The following TMEM59 variants were observed in gnomAD, a reference collection of about 807,000 sequenced individuals.
TMEM59 encodes the protein transmembrane protein 59.
In TMEM59, 44 loss-of-function variants were observed where a neutral mutation model predicts 42.2. That is an observed-to-expected ratio of 1.04 (90% CI 0.82 to 1.34). TMEM59 has a LOEUF of 1.34. Among genes scored for constraint, TMEM59 ranks in the 40% most tolerant of loss-of-function variants. The probability of loss-of-function intolerance (pLI) is 0.00; values close to 1 mark genes in which losing one functional copy is unlikely to be tolerated. For synonymous variants in TMEM59, 148 were observed against 145.8 expected, an observed-to-expected ratio of 1.02 and a Z score of -0.11; for missense variants, 359 against 382.8, an observed-to-expected ratio of 0.94 and a Z score of 0.52.
intron 5 of TMEM59, 54 bp downstream of exon 5, chr1:54,041,670 C>T (rs1657140813): frequency 1.4e-6 from 2 of 1,438,818 alleles, no homozygotes; most frequent in African/African-American, 1.4e-5. Flanking sequence ...AACTCTACTA[C>T]AACCAGATTT....
chr1:54,040,082 C>T (rs1346036675), intron 6 of TMEM59, among the ~76,000 whole-genome samples: 5 of 152,224 alleles, frequency 3.3e-5, no homozygotes, highest in South Asian at 2.1e-4. Flanking sequence ...GCTCTTCTAG[C>T]GTCAAATCTG....
At position 54,051,546 on chromosome 1, in the gene TMEM59, T is replaced by C. The variant is rs1384530750; in HGVS notation, c.189+1454A>G. Among the ~76,000 whole-genome samples the C allele has an allele frequency of 3.3e-5, 5 of 152,358 alleles. 2 individuals carry two copies. In the South Asian group the frequency reaches 1.0e-3, roughly 32 times the overall value. ...ACTTCCAGGAAGGTATCCTTTCAAA[T>C]TATTTGATTATTTTCCCAACATTCT... On this transcript the variant is annotated intron_variant, in intron 1 of 7. Transcript: ENST00000234831.
At chr1:54,046,976 A>G (rs1250871523) in intron 2 of TMEM59, among the ~76,000 whole-genome samples, 1 of 152,224 alleles carries the variant, frequency 6.6e-6, no homozygotes, top group Admixed American at 6.5e-5. Flanking sequence ...AAAGGTAGTA[A>G]TGAATTGTGA....
chr1:54,046,025 C>T (rs948640770), intron 2 of TMEM59, among the ~76,000 whole-genome samples: 1 of 152,098 alleles, frequency 6.6e-6, no homozygotes, highest in Non-Finnish European at 1.5e-5. Context: ...AGGCTCTGGC[C>T]ACATGATGAC....
chr1:54,037,500 A>G (rs901114597), intron 6 of TMEM59, among the ~76,000 whole-genome samples: 1 of 152,242 alleles, frequency 6.6e-6, no homozygotes, highest in African/African-American at 2.4e-5. Flanking sequence ...TAATTGACCT[A>G]TTAAGATTCA....
rs1656782138 is a variant in TMEM59, at chr1:54,032,124, A to G, written c.*26T>C. On this transcript the variant is annotated 3_prime_UTR_variant, in exon 8 of 8. Coordinates refer to ENST00000234831, the MANE Select transcript of TMEM59 (RefSeq NM_004872.5). ...AGGAGTGGAATTTTAGATGTCTATT[A>G]CACTTGTCTTTTAAAAGAAAAATGC... The G allele has an allele frequency of 6.3e-7, 1 of 1,595,266 alleles. No homozygotes were observed. The highest frequency in any genetic ancestry group is 1.4e-5 in the African/African-American group (1 of 70,708).
chr1:54,037,250 G>T (rs1384216121), intron 6 of TMEM59, among the ~76,000 whole-genome samples: 1 of 152,072 alleles, frequency 6.6e-6, no homozygotes, highest in Non-Finnish European at 1.5e-5. Context: ...ATTTAAAAAA[G>T]CACAGCTATT....
chr1:54,027,328 C>T lies in TMEM59; in HGVS notation c.*4822G>A, dbSNP rs750110072. ...AACTTTATTTTAACATGATCAGTTT[C>T]CTTTGCGATCCTTTATATTTAGTTT... On this transcript the variant is annotated 3_prime_UTR_variant, in exon 8 of 8. Coordinates refer to ENST00000234831, the MANE Select transcript of TMEM59 (RefSeq NM_004872.5). The T allele has an allele frequency of 6.6e-6, 1 of 152,112 alleles. No homozygotes were observed. The highest frequency in any genetic ancestry group is 1.5e-5 in the Non-Finnish European group (1 of 68,024). 9.4% of individuals were successfully genotyped at this position (152,112 alleles called of 1,614,324 possible).
rs1280271410 is a variant in TMEM59 at position 54,027,775 on chromosome 1, A to C, written c.*4375T>G. 6.6e-6 allele frequency: 1 copy of C among 152,112 alleles called. No individual in the cohort carries two copies. Among genetic ancestry groups the C allele is most frequent in the Non-Finnish European group, 1.5e-5 (1 of 68,048 alleles). 9.4% of individuals were successfully genotyped at this position (152,112 alleles called of 1,614,324 possible). On this transcript the variant is annotated 3_prime_UTR_variant, in exon 8 of 8. Coordinates refer to ENST00000234831, the MANE Select transcript of TMEM59 (RefSeq NM_004872.5). ...AACAGTGTGAGACTCTGTCTCAAAA[A>C]AAAAAAAAGTGAAATATATGAAGCT...
rs1299133624 is a variant in TMEM59 at position 54,029,489 on chromosome 1, A to G, written c.*2661T>C. On this transcript the variant is annotated 3_prime_UTR_variant, in exon 8 of 8. Coordinates refer to ENST00000234831, the MANE Select transcript of TMEM59 (RefSeq NM_004872.5). ...ATTCTCAAGATGCTTTCTGTGTGGTAGGAAATAAGATTATGACTGTTTTAT... is the reference window on the plus strand; with the variant it reads ...ATTCTCAAGATGCTTTCTGTGTGGTGGGAAATAAGATTATGACTGTTTTAT... 6.6e-6 allele frequency: 1 copy of G among 152,178 alleles called. No homozygotes were observed. The highest frequency in any genetic ancestry group is 1.9e-4 in the East Asian group (1 of 5,198). The allele number at this position is 152,178 out of a possible 1,614,324, so 9.4% of individuals were successfully genotyped here. A position where few individuals can be genotyped will look rare whatever the true frequency, so the allele number is the denominator to read the frequency against.
intron 6 of TMEM59, among the ~76,000 whole-genome samples, chr1:54,040,370 C>A (rs1004748109): frequency 3.3e-5 from 5 of 152,114 alleles, no homozygotes; most frequent in Non-Finnish European, 5.9e-5. Context: ...CCAGGCTGGT[C>A]TCGAACTCCT....
chr1:54,053,495 G>A, upstream of TMEM59: 1 of 359,258 alleles, frequency 2.8e-6, no homozygotes, highest in African/African-American at 2.1e-5. Flanking sequence ...GTAGGCGGGA[G>A]GCGCACGGTG....
chr1:54,038,383 CT>C (rs1259219755), intron 6 of TMEM59, among the ~76,000 whole-genome samples: 2 of 152,190 alleles, frequency 1.3e-5, no homozygotes, highest in Non-Finnish European at 1.5e-5. Context: ...TCCTTATATG[CT>C]GTGTATGAGA....
chr1:54,037,415 A>T (rs1656988965), intron 6 of TMEM59, among the ~76,000 whole-genome samples: 1 of 152,212 alleles, frequency 6.6e-6, no homozygotes, highest in Non-Finnish European at 1.5e-5. Flanking sequence ...TTATAGAGAC[A>T]AGCTCTCACT....
At chr1:54,048,404 A>G (rs532513387) in intron 1 of TMEM59, among the ~76,000 whole-genome samples, 10 of 152,368 alleles carry the variant, frequency 6.6e-5, no homozygotes, top group African/African-American at 2.4e-4. Context: ...AGCTATTTCC[A>G]GTATAGTGCC....
chr1:54,052,883 G>T, intron 1 of TMEM59, 117 bp downstream of exon 1: 1 of 1,156,270 alleles, frequency 8.6e-7, no homozygotes, highest in South Asian at 1.5e-5. Flanking sequence ...TACACAGATG[G>T]GAGACAGCGA....
At chr1:54,046,838 T>A (rs1657355146) in intron 2 of TMEM59, among the ~76,000 whole-genome samples, 1 of 152,240 alleles carries the variant, frequency 6.6e-6, no homozygotes, top group Non-Finnish European at 1.5e-5. Flanking sequence ...TGGCTACTTA[T>A]TTTAATGGCC....
upstream of TMEM59, chr1:54,053,469 G>C: frequency 4.4e-6 from 2 of 450,538 alleles, no homozygotes; most frequent in Admixed American, 3.9e-5. Context: ...GGGCAGGCTG[G>C]GGCATGTAGT....
rs553757094 is a variant in TMEM59 at position 54,042,830 on chromosome 1, T to C, written c.543+543A>G. 3.3e-5 allele frequency among the ~76,000 whole-genome samples: 5 copies of C among 152,286 alleles called. No homozygotes were observed. In the South Asian group the frequency reaches 1.0e-3, roughly 32 times the overall value. The stretch of plus-strand genomic sequence containing the variant: ...ACAGGAATAATACAACCTCATAAAG[T>C]TGTTTGAAGATGTGAGAGAATATAT... On this transcript the variant is annotated intron_variant, in intron 4 of 7. Coordinates refer to ENST00000234831, the MANE Select transcript of TMEM59 (RefSeq NM_004872.5).
Sources: gnomAD v4.1 joint callset for allele counts (sites outside exome capture counted in the v4.1 genomes callset) on GRCh38, gnomAD v4.1.1 for gene constraint, MANE v1.5 for transcripts, NCBI Gene and HGNC (gene_info 2026-07-23, HGNC 2026-07-21) for gene names.